CAB39L: variants seen among roughly 807,000 people sequenced by gnomAD.
CAB39L encodes the protein calcium binding protein 39 like, also known as calcium-binding protein 39-like.
In CAB39L, 23 loss-of-function variants were observed where a neutral mutation model predicts 39.1. That is an observed-to-expected ratio of 0.59 (90% CI 0.42 to 0.83). The LOEUF (loss-of-function observed/expected upper bound fraction) is 0.83, where lower values mean the gene tolerates loss of function less well. CAB39L is among the 40% of genes least tolerant of loss of function. The pLI, the probability that CAB39L is intolerant of heterozygous loss-of-function variation, is 0.00. For missense variants in CAB39L, 366 were observed against 391.9 expected (o/e 0.93, Z 0.56); for synonymous variants, 126 against 137.2 (o/e 0.92, Z 0.57).
intron 5 of CAB39L, 117 bp downstream of exon 5, chr13:49,376,850 A>T: frequency 3.8e-6 from 3 of 792,034 alleles, no homozygotes; most frequent in Non-Finnish European, 5.6e-6. Flanking sequence ...ACTTTAAAAA[A>T]TAACACATGG....
chr13:49,397,680 G>T (rs1956671772), intron 3 of CAB39L, among the ~76,000 whole-genome samples: 1 of 151,862 alleles, frequency 6.6e-6, no homozygotes, highest in African/African-American at 2.4e-5. Flanking sequence ...CCAGTCATTT[G>T]TCAGAGCTAA....
Position 49,376,984 on chromosome 13 carries a change from G to T in CAB39L, c.259C>A (p.Gln87Lys). ...TGGCTTACCTCAAAGTCTATCAGCT[G>T]CAGGTCAGCTATCAGTGTCACTAGC... ...GLLVTLIADLQLIDFEGKKDV... is the reference protein window; with the variant it reads ...GLLVTLIADLKLIDFEGKKDV... The change falls in exon 5 of 11, where the codon CAG (glutamine) becomes AAG (lysine). Residue 87 changes from glutamine (Q) to lysine (K), a missense_variant. By Grantham distance (53) the Gln-to-Lys change is moderately conservative (BLOSUM62 1). Coordinates refer to ENST00000409308, the MANE Select transcript of CAB39L (RefSeq NM_001079670.3). The T allele has an allele frequency of 6.2e-6, 10 of 1,610,066 alleles. No homozygotes were observed. The highest frequency in any genetic ancestry group is 8.5e-6 in the Non-Finnish European group (10 of 1,177,748).
intron 7 of CAB39L, among the ~76,000 whole-genome samples, chr13:49,347,755 C>T (rs1313570490): frequency 1.3e-5 from 2 of 152,128 alleles, no homozygotes; most frequent in African/African-American, 4.8e-5. Flanking sequence ...GGGTGAGAAA[C>T]AGCCACTCCT....
chr13:49,414,166 G>C lies in CAB39L; in HGVS notation c.-32+19152C>G, dbSNP rs533686887. The C allele has an allele frequency of 3.9e-5, 6 of 152,252 alleles. No homozygotes were observed. The East Asian group carries it at 1.2e-3, about 29-fold the overall frequency. The allele number at this position is 152,252 out of a possible 1,614,324, so 9.4% of individuals were successfully genotyped here. A position where few individuals can be genotyped will look rare whatever the true frequency, so the allele number is the denominator to read the frequency against. On this transcript the variant is annotated intron_variant, in intron 3 of 10. Transcript: ENST00000409308. Reference sequence around the variant, plus strand: ...CTAAAAGATTAACAATTTCTCCATTGGGATAGAGTCAAAACTGCAGATGAA... The same window carrying C: ...CTAAAAGATTAACAATTTCTCCATTCGGATAGAGTCAAAACTGCAGATGAA...
chr13:49,381,907 C>T (rs1360856116), intron 4 of CAB39L, among the ~76,000 whole-genome samples: 3 of 152,180 alleles, frequency 2.0e-5, no homozygotes, highest in Non-Finnish European at 4.4e-5. Flanking sequence ...ACATGCATAT[C>T]TTCGTATTTC....
At chr13:49,311,920 G>T (rs1168700943) in intron 10 of CAB39L, among the ~76,000 whole-genome samples, 2 of 152,138 alleles carry the variant, frequency 1.3e-5, no homozygotes, top group Non-Finnish European at 2.9e-5. Flanking sequence ...TTGAGACAGG[G>T]TCTCGCTCTG....
chr13:49,419,036 C>T (rs561708176), intron 3 of CAB39L, among the ~76,000 whole-genome samples: 1 of 152,210 alleles, frequency 6.6e-6, no homozygotes, highest in Non-Finnish European at 1.5e-5. Flanking sequence ...GGTGCGATCT[C>T]GGCTCACTGC....
chr13:49,353,910 C>T (rs1168730046), intron 6 of CAB39L, among the ~76,000 whole-genome samples: 2 of 152,018 alleles, frequency 1.3e-5, no homozygotes, highest in African/African-American at 2.4e-5. Flanking sequence ...ATGTTTTTCA[C>T]GAAGCATGCA....
chr13:49,407,215 G>A (rs1286078829), intron 3 of CAB39L, among the ~76,000 whole-genome samples: 1 of 152,082 alleles, frequency 6.6e-6, no homozygotes, highest in Non-Finnish European at 1.5e-5. Flanking sequence ...TGATTCTACA[G>A]TTATTTGAAT....
intron 5 of CAB39L, 121 bp downstream of exon 5, chr13:49,376,831 TTAGAAAAAACTTTAA>T: frequency 1.5e-6 from 1 of 679,398 alleles, no homozygotes; most frequent in East Asian, 2.6e-5. Context: ...TGTAGACATT[TTAGAAAAAACTTTAA>T]AAAATAACAC....
intron 8 of CAB39L, among the ~76,000 whole-genome samples, chr13:49,343,316 C>T (rs896633526): frequency 1.3e-5 from 2 of 152,090 alleles, no homozygotes; most frequent in Non-Finnish European, 1.5e-5. Context: ...CTTTAAATCC[C>T]GTCAAACTCC....
intron 9 of CAB39L, among the ~76,000 whole-genome samples, chr13:49,333,581 T>C (rs1204516436): frequency 6.9e-6 from 1 of 144,856 alleles, no homozygotes; most frequent in Non-Finnish European, 1.5e-5. Context: ...TTTTTTTTTT[T>C]TTTTTTTTGA....
intron 3 of CAB39L, among the ~76,000 whole-genome samples, chr13:49,408,143 G>T (rs1956921399): frequency 6.6e-6 from 1 of 152,174 alleles, no homozygotes; most frequent in Admixed American, 6.5e-5. Context: ...AGGGTAACCA[G>T]ACAGTGGGAA....
In CAB39L at chr13:49,433,389, A is replaced by C. The variant is rs545349301; in HGVS notation, c.-103T>G. On this transcript the variant is annotated 5_prime_UTR_variant, in exon 3 of 11. Coordinates refer to ENST00000409308, the MANE Select transcript of CAB39L (RefSeq NM_001079670.3). The stretch of plus-strand genomic sequence containing the variant: ...TTTCACCAAAGTCACTGATCACCAC[A>C]GCTTCTGACAAAAAGAAAAGCTTTA... The C allele has an allele frequency of 3.1e-5, 14 of 452,576 alleles. No individual in the cohort carries two copies. Among genetic ancestry groups the C allele is most frequent in the Admixed American group, 9.6e-5 (4 of 41,498 alleles). 28.0% of individuals were successfully genotyped at this position (452,576 alleles called of 1,614,324 possible).
intron 3 of CAB39L, among the ~76,000 whole-genome samples, chr13:49,392,121 CAA>C (rs1333449097): frequency 6.6e-6 from 1 of 151,642 alleles, no homozygotes; most frequent in Non-Finnish European, 1.5e-5. Flanking sequence ...CACACACACA[CAA>C]AGCATTTAAT....
chr13:49,347,098 A>T (rs1056564777), intron 7 of CAB39L, among the ~76,000 whole-genome samples: 6 of 147,808 alleles, frequency 4.1e-5, no homozygotes, highest in East Asian at 1.9e-4. Flanking sequence ...CAGCTACTTT[A>T]AAAAAAAAAG....
chr13:49,349,853 G>A (rs868031821), intron 7 of CAB39L, among the ~76,000 whole-genome samples: 4 of 152,068 alleles, frequency 2.6e-5, no homozygotes, highest in Non-Finnish European at 4.4e-5. Context: ...AATAATAGCA[G>A]GATCATAAGC....
intron 10 of CAB39L, among the ~76,000 whole-genome samples, chr13:49,312,955 A>C (rs1000801819): frequency 6.6e-6 from 1 of 152,132 alleles, no homozygotes; most frequent in African/African-American, 2.4e-5. Flanking sequence ...GCAGTGTGCC[A>C]CCATCTCTGG....
intron 3 of CAB39L, among the ~76,000 whole-genome samples, chr13:49,383,928 C>G (rs911820604): frequency 6.6e-6 from 1 of 152,180 alleles, no homozygotes; most frequent in Admixed American, 6.5e-5. Flanking sequence ...GTTGGAGAGT[C>G]TTGCATTAAT....
Sources: gnomAD v4.1 joint callset for allele counts (sites outside exome capture counted in the v4.1 genomes callset) on GRCh38, gnomAD v4.1.1 for gene constraint, MANE v1.5 for transcripts, NCBI Gene and HGNC (gene_info 2026-07-23, HGNC 2026-07-21) for gene names.